The following SUGCT variants were observed in gnomAD, a reference collection of about 807,000 sequenced individuals.
The protein encoded by SUGCT is succinyl-CoA:glutarate CoA-transferase.
Under a neutral mutation model 55.0 loss-of-function variants are expected in SUGCT, and 41 were observed. The ratio of observed to expected loss-of-function variants is 0.74; its 90% confidence interval spans 0.58 to 0.97. The LOEUF is 0.97. SUGCT is among the 50% of genes least tolerant of loss of function. The pLI, the probability that SUGCT is intolerant of heterozygous loss-of-function variation, is 0.00. For missense variants in SUGCT, 568 were observed against 547.8 expected (o/e 1.04, Z -0.37); for synonymous variants, 187 against 200.4 (o/e 0.93, Z 0.56).
chr7:40,875,586 A>G, the SUGCT span, among the ~76,000 whole-genome samples: 2 of 152,198 alleles, frequency 1.3e-5, no homozygotes, highest in African/African-American at 4.8e-5. Flanking sequence ...TGACACAACA[A>G]ATGTGTTTTG....
the SUGCT span, among the ~76,000 whole-genome samples, chr7:40,901,630 G>A: frequency 6.6e-6 from 1 of 152,184 alleles, no homozygotes; most frequent in African/African-American, 2.4e-5. Flanking sequence ...TCAGGTCCAC[G>A]TTAACCTTGT....
the SUGCT span, among the ~76,000 whole-genome samples, chr7:40,918,056 T>C: frequency 6.6e-6 from 1 of 152,104 alleles, no homozygotes; most frequent in South Asian, 2.1e-4. Context: ...GATCACTACA[T>C]GGAGAGGTGG....
intron 13 of SUGCT, among the ~76,000 whole-genome samples, chr7:40,854,424 CTTTCTTTCTTT>C (rs1794041771): frequency 8.7e-6 from 1 of 114,932 alleles, no homozygotes; most frequent in African/African-American, 3.5e-5. Context: ...TCTTTCCTTT[CTTTCTTTCTTT>C]CTTTCTTTCT....
chr7:40,145,540 G>T (rs115055092), intron 1 of SUGCT, among the ~76,000 whole-genome samples: 197 of 144,836 alleles, frequency 1.4e-3, no homozygotes, highest in African/African-American at 4.8e-3. Context: ...GATAATAACC[G>T]TTCTTTTCCA....
At chr7:41,036,128 T>C in the SUGCT span, among the ~76,000 whole-genome samples, 4 of 152,182 alleles carry the variant, frequency 2.6e-5, no homozygotes, top group African/African-American at 7.2e-5. Context: ...AGGCTTATTA[T>C]AGAGGCTCAA....
At chr7:40,622,566 T>C (rs1222047878) in intron 12 of SUGCT, among the ~76,000 whole-genome samples, 1 of 132,226 alleles carries the variant, frequency 7.6e-6, no homozygotes, top group Non-Finnish European at 1.6e-5. Flanking sequence ...TTCTGAAAAC[T>C]AATTTCTGGC....
chr7:40,385,865 T>C (rs1583569971), intron 9 of SUGCT, among the ~76,000 whole-genome samples: 2 of 152,228 alleles, frequency 1.3e-5, no homozygotes, highest in South Asian at 4.1e-4. Flanking sequence ...TGTCACTTTA[T>C]ATAGCATTGC....
intron 12 of SUGCT, among the ~76,000 whole-genome samples, chr7:40,590,699 C>T (rs920642124): frequency 2.6e-5 from 4 of 152,150 alleles, no homozygotes; most frequent in African/African-American, 9.7e-5. Context: ...GACAGGCTGA[C>T]TCCTTTGTCG....
chr7:40,226,151 T>A (rs1379452271), intron 6 of SUGCT, among the ~76,000 whole-genome samples: 1 of 152,206 alleles, frequency 6.6e-6, no homozygotes, highest in Non-Finnish European at 1.5e-5. Context: ...GGAATCCTGC[T>A]GAGGTTGGTT....
chr7:40,509,001 A>C (rs1792775447), intron 12 of SUGCT, among the ~76,000 whole-genome samples: 1 of 152,002 alleles, frequency 6.6e-6, no homozygotes, highest in South Asian at 2.1e-4. Flanking sequence ...TTTGAAAGAA[A>C]AGTGTGGACG....
intron 11 of SUGCT, among the ~76,000 whole-genome samples, chr7:40,484,812 C>T (rs1218555740): frequency 6.6e-6 from 1 of 152,046 alleles, no homozygotes; most frequent in Non-Finnish European, 1.5e-5. Flanking sequence ...CCTTTAGCAC[C>T]ACATCACTTA....
intron 9 of SUGCT, 48 bp downstream of exon 9, chr7:40,316,903 A>G (rs370251799): frequency 2.6e-5 from 20 of 771,262 alleles, no homozygotes; most frequent in Non-Finnish European, 3.7e-5. Context: ...TTGCAGTTTT[A>G]TATGATGTGT....
At chr7:40,723,871 A>G (rs1244268118) in intron 12 of SUGCT, among the ~76,000 whole-genome samples, 1 of 152,166 alleles carries the variant, frequency 6.6e-6, no homozygotes, top group African/African-American at 2.4e-5. Flanking sequence ...CACCTCTATC[A>G]CCAGTTCCTA....
At chr7:40,821,213 G>A (rs1479217308) in intron 13 of SUGCT, among the ~76,000 whole-genome samples, 1 of 152,140 alleles carries the variant, frequency 6.6e-6, no homozygotes, top group African/African-American at 2.4e-5. Context: ...AGGGATGTTT[G>A]TCTAAAATTA....
chr7:40,231,630 A>G (rs1033978937), intron 6 of SUGCT, among the ~76,000 whole-genome samples: 1 of 152,172 alleles, frequency 6.6e-6, no homozygotes, highest in Non-Finnish European at 1.5e-5. Flanking sequence ...AAACAATATC[A>G]GGGCCCAAGA....
At chr7:40,185,865 A>T (rs569504762) in intron 3 of SUGCT, among the ~76,000 whole-genome samples, 3 of 151,962 alleles carry the variant, frequency 2.0e-5, no homozygotes, top group African/African-American at 7.3e-5. Flanking sequence ...CCCTGTCTTC[A>T]CCCTTCTGAT....
chr7:40,329,830 A>G (rs992902523), intron 9 of SUGCT, among the ~76,000 whole-genome samples: 1 of 152,286 alleles, frequency 6.6e-6, no homozygotes, highest in African/African-American at 2.4e-5. Flanking sequence ...TCATATTATT[A>G]TTAGATGATT....
At chr7:40,219,676 C>A (rs181728637) in intron 6 of SUGCT, among the ~76,000 whole-genome samples, 156 of 151,966 alleles carry the variant, frequency 1.0e-3, no homozygotes, top group African/African-American at 3.5e-3. Flanking sequence ...GGTGGTGACT[C>A]TTCTGTTTGG....
At chr7:40,504,468 T>A (rs1327187455) in intron 12 of SUGCT, among the ~76,000 whole-genome samples, 1 of 151,928 alleles carries the variant, frequency 6.6e-6, no homozygotes, top group Admixed American at 6.6e-5. Context: ...AGTGCCTTGG[T>A]CTGTTGTCCT....
Sources: allele counts gnomAD v4.1 joint callset (sites outside exome capture counted in the v4.1 genomes callset), GRCh38; gene constraint gnomAD v4.1.1; transcripts MANE v1.5; gene names NCBI Gene and HGNC (gene_info 2026-07-23, HGNC 2026-07-21).